Variants in PCDHA13 observed in about 807,000 individuals in gnomAD.
PCDHA13 encodes the protein protocadherin alpha-13.
In PCDHA13, 54 loss-of-function variants were observed where a neutral mutation model predicts 64.8. The ratio of observed to expected loss-of-function variants is 0.83; its 90% CI spans 0.67 to 1.04. The LOEUF (loss-of-function observed/expected upper bound fraction) is 1.04. Ranked by LOEUF, PCDHA13 falls within the 50% of genes least tolerant of loss-of-function variation. PCDHA13 has a pLI of 0.00. For missense variants in PCDHA13, 1,248 were observed against 1,254.3 expected (o/e 0.99, Z 0.08); for synonymous variants, 587 against 564.4 (o/e 1.04, Z -0.57).
intron 1 of PCDHA13, among the ~76,000 whole-genome samples, chr5:140,951,791 A>T (rs375226786): frequency 1.3e-5 from 2 of 152,228 alleles, no homozygotes; most frequent in Non-Finnish European, 2.9e-5. Context: ...AAATACAATT[A>T]TCCCTTCCCA....
intron 1 of PCDHA13, chr5:140,968,417 G>T (rs1459159857): frequency 3.7e-6 from 6 of 1,614,036 alleles, no homozygotes; most frequent in Non-Finnish European, 5.1e-6. Flanking sequence ...GACTGTGGAG[G>T]CTCAGGACAA....
intron 1 of PCDHA13, among the ~76,000 whole-genome samples, chr5:140,889,804 G>A (rs940898112): frequency 1.3e-5 from 2 of 152,112 alleles, no homozygotes; most frequent in African/African-American, 2.4e-5. Context: ...TGGGATTTAT[G>A]AAGTCAGGTC....
At chr5:140,984,968 C>T (rs1380988893) in intron 3 of PCDHA13, among the ~76,000 whole-genome samples, 1 of 151,950 alleles carries the variant, frequency 6.6e-6, no homozygotes, top group South Asian at 2.1e-4. Flanking sequence ...GACAGAGTCT[C>T]GCTCTGTCCC....
chr5:140,997,711 C>T (rs963457412), intron 3 of PCDHA13, among the ~76,000 whole-genome samples: 4 of 151,080 alleles, frequency 2.6e-5, no homozygotes. Flanking sequence ...TTAACAAACA[C>T]CTTTCTACGT....
At chr5:140,954,834 G>A (rs879960376) in intron 1 of PCDHA13, among the ~76,000 whole-genome samples, 1 of 152,154 alleles carries the variant, frequency 6.6e-6, no homozygotes, top group African/African-American at 2.4e-5. Context: ...CTTTTGTCAT[G>A]AAATCTTTGC....
chr5:140,902,203 CTTTTTTT>C (rs148688132), intron 1 of PCDHA13, among the ~76,000 whole-genome samples: 3 of 124,458 alleles, frequency 2.4e-5, no homozygotes, highest in African/African-American at 3.1e-5. Flanking sequence ...CTCTCTCTTT[CTTTTTTT>C]TTTTTTTTTT....
rs377328620 is a variant in PCDHA13 at position 140,928,577 on chromosome 5, A to G, written c.2394+43915A>G. On this transcript the variant is annotated intron_variant, in intron 1 of 3. Coordinates refer to ENST00000289272, the MANE Select transcript of PCDHA13 (RefSeq NM_018904.3). ...GTTATCTTGTTTCCCTTGCCCAGAA[A>G]TGGTTCTGTCCCAGTGGAAATTGTG... is the stretch of plus-strand genomic sequence containing the variant. The G allele has an allele frequency of 3.7e-6, 6 of 1,614,070 alleles. No homozygotes were observed. The African/African-American group carries it at 6.7e-5, about 18-fold the overall frequency.
intron 3 of PCDHA13, among the ~76,000 whole-genome samples, chr5:141,007,907 A>G (rs1402621923): frequency 6.6e-6 from 1 of 152,186 alleles, no homozygotes; most frequent in Non-Finnish European, 1.5e-5. Flanking sequence ...TTCTTTGTTG[A>G]AGATGCTATA....
intron 1 of PCDHA13, among the ~76,000 whole-genome samples, chr5:140,954,973 G>T (rs781943510): frequency 7.9e-5 from 12 of 152,124 alleles, no homozygotes; most frequent in Non-Finnish European, 1.3e-4. Context: ...AAAGGGTCCA[G>T]TTTCAATTTT....
Position 140,968,743 on chromosome 5 carries a change from C to T in PCDHA13, c.2395-10206C>T, listed in dbSNP as rs112674082. On this transcript the variant is annotated intron_variant, in intron 1 of 3. Coordinates refer to ENST00000289272, the MANE Select transcript of PCDHA13 (RefSeq NM_018904.3). ...AGAGTGGTAGCACTTTCAACCTGAC[C>T]GTGGTGGTCCGAGATAATGGAGAGC... is the stretch of plus-strand genomic sequence containing the variant. The T allele has an allele frequency of 3.4e-5, 55 of 1,614,060 alleles. No individual in the cohort carries two copies. In the African/African-American group the frequency reaches 5.1e-4, roughly 15 times the overall value.
chr5:140,946,516 C>G (rs551838143), intron 1 of PCDHA13, among the ~76,000 whole-genome samples: 1 of 151,020 alleles, frequency 6.6e-6, no homozygotes, highest in Non-Finnish European at 1.5e-5. Context: ...AAGACCTATC[C>G]GCACTCCCAT....
At chr5:140,915,699 C>G (rs1321126272) in intron 1 of PCDHA13, among the ~76,000 whole-genome samples, 1 of 151,944 alleles carries the variant, frequency 6.6e-6, no homozygotes, top group Non-Finnish European at 1.5e-5. Context: ...GTGATGCAAG[C>G]ACTCCTGTGG....
At chr5:140,895,590 T>C (rs1554186569) in intron 1 of PCDHA13, among the ~76,000 whole-genome samples, 2 of 152,208 alleles carry the variant, frequency 1.3e-5, no homozygotes, top group Non-Finnish European at 2.9e-5. Context: ...ATTAGATATA[T>C]AATTTGCAAA....
At chr5:141,007,498 G>T (rs936217793) in intron 3 of PCDHA13, among the ~76,000 whole-genome samples, 2 of 151,942 alleles carry the variant, frequency 1.3e-5, no homozygotes, top group Admixed American at 1.3e-4. Context: ...GACCTAGGAG[G>T]CAGAGACTGC....
At chr5:140,892,469 A>T (rs557049666) in intron 1 of PCDHA13, among the ~76,000 whole-genome samples, 1 of 152,184 alleles carries the variant, frequency 6.6e-6, no homozygotes, top group Admixed American at 6.5e-5. Context: ...ACGGTTATTC[A>T]GTTTCCTAGC....
chr5:140,944,277 C>T (rs922160593), intron 1 of PCDHA13, among the ~76,000 whole-genome samples: 1 of 152,044 alleles, frequency 6.6e-6, no homozygotes, highest in Non-Finnish European at 1.5e-5. Flanking sequence ...AGCCTTGACA[C>T]CCCGGGCTCA....
chr5:140,987,363 T>C (rs1269772618), intron 3 of PCDHA13, among the ~76,000 whole-genome samples: 1 of 152,218 alleles, frequency 6.6e-6, no homozygotes, highest in Non-Finnish European at 1.5e-5. Flanking sequence ...GGTTGTCTTA[T>C]ATCATTACAG....
chr5:140,983,340 A>AG (rs2097043854), intron 3 of PCDHA13, among the ~76,000 whole-genome samples: 1 of 152,240 alleles, frequency 6.6e-6, no homozygotes, highest in African/African-American at 2.4e-5. Flanking sequence ...TCACTAAAGC[A>AG]GGGTCATGTA....
At chr5:140,922,288 T>C (rs2080761283) in intron 1 of PCDHA13, among the ~76,000 whole-genome samples, 1 of 152,150 alleles carries the variant, frequency 6.6e-6, no homozygotes, top group African/African-American at 2.4e-5. Context: ...GATATGAAAA[T>C]GCTAGGAGAG....
Sources: gnomAD v4.1 joint callset for allele counts (sites outside exome capture counted in the v4.1 genomes callset) on GRCh38, gnomAD v4.1.1 for gene constraint, MANE v1.5 for transcripts, NCBI Gene and HGNC (gene_info 2026-07-23, HGNC 2026-07-21) for gene names.